Variants in HSPA14 observed in about 807,000 individuals in gnomAD.
HSPA14 encodes the protein heat shock 70 kDa protein 14.
HSPA14 carries 37 observed loss-of-function variants against 65.5 expected under a neutral mutation model. The observed-to-expected ratio is 0.56, with a 90% CI of 0.43 to 0.74. The LOEUF is 0.74. HSPA14 is among the 30% of genes least tolerant of loss of function. The probability of loss-of-function intolerance (pLI) is 0.00; values close to 1 mark genes in which losing one functional copy is unlikely to be tolerated. For missense variants in HSPA14, 564 were observed against 607.6 expected, an observed-to-expected ratio of 0.93 and a Z score of 0.75; for synonymous variants, 203 against 214.2, an observed-to-expected ratio of 0.95 and a Z score of 0.46.
At chr10:14,860,638 CAG>C (rs1198980707) in intron 10 of HSPA14, among the ~76,000 whole-genome samples, 14 of 152,084 alleles carry the variant, frequency 9.2e-5, no homozygotes, top group South Asian at 4.2e-4. Context: ...GGGAGGGTAA[CAG>C]GGGCCGAACT....
rs1436959969 is a variant in HSPA14 at position 14,870,629 on chromosome 10, T to C, written c.1413T>C (p.Asn471=). The stretch of plus-strand genomic sequence containing the variant: ...TCCAGGATTTAGATAAAAAAGAAAA[T>C]GGATTACGTGATATATTAGCTGTTC... ...VVLQDLDKKE[N]GLRDILAVLT... Residue 471 remains asparagine, a synonymous_variant, in exon 13 of 14, where the codon AAT becomes AAC. Transcript: ENST00000378372. 2.5e-6 allele frequency: 4 copies of C among 1,582,734 alleles called. No individual in the cohort carries two copies. The highest frequency in any genetic ancestry group is 3.5e-6 in the Non-Finnish European group (4 of 1,158,246).
chr10:14,846,647 A>G, intron 3 of HSPA14: 1 of 946,652 alleles, frequency 1.1e-6, no homozygotes, highest in Non-Finnish European at 1.3e-6. Flanking sequence ...TGGGAAACTC[A>G]TAATTGTCCT....
At position 14,862,128 on chromosome 10, in the gene HSPA14, G is replaced by A. The variant is rs569954009; in HGVS notation, c.994-4955G>A. On this transcript the variant is annotated intron_variant, in intron 10 of 13. Transcript: ENST00000378372. Reference sequence around the variant, plus strand: ...TGTAAGCTCTGCCTGCCGTGTTCACGCCATTCTCCTGCCTCAGCCTCCCCA... The same window carrying A: ...TGTAAGCTCTGCCTGCCGTGTTCACACCATTCTCCTGCCTCAGCCTCCCCA... Among the ~76,000 whole-genome samples the A allele has an allele frequency of 6.2e-3, 923 of 148,498 alleles. 5 individuals carry two copies. The highest frequency in any genetic ancestry group is 9.3e-3 in the Non-Finnish European group (629 of 67,386).
Position 14,854,571 on chromosome 10 carries a change from G to A in HSPA14, c.890+291G>A, listed in dbSNP as rs138057320. Among the ~76,000 whole-genome samples, 34 of 152,296 alleles carry A rather than the reference G, an allele frequency of 2.2e-4. No homozygotes were observed. In the South Asian group the frequency reaches 2.3e-3, roughly 10 times the overall value. ...AAGTGATAAAGTACAAAGGGAGGAC[G>A]TGCTGTAGTCTTTGTGTTGCATATT... On this transcript the variant is annotated intron_variant, in intron 9 of 13. Coordinates refer to ENST00000378372, the MANE Select transcript of HSPA14 (RefSeq NM_016299.4).
chr10:14,841,113 G>C (rs1280993537), intron 3 of HSPA14: 4 of 152,096 alleles, frequency 2.6e-5, no homozygotes, highest in African/African-American at 7.2e-5. Flanking sequence ...CTTATTTTCT[G>C]TCTCTTACCT....
chr10:14,842,374 T>G lies in HSPA14; in HGVS notation c.221+2217T>G, dbSNP rs1262073470. The G allele has an allele frequency of 6.5e-7, 1 of 1,536,158 alleles. No individual in the cohort carries two copies. Among genetic ancestry groups the G allele is most frequent in the Non-Finnish European group, 8.7e-7 (1 of 1,146,904 alleles). On this transcript the variant is annotated intron_variant, in intron 3 of 13. Coordinates refer to ENST00000378372, the MANE Select transcript of HSPA14 (RefSeq NM_016299.4). This position sits in a 1 kb window ranked among gnomAD's most constrained non-coding sequence, Gnocchi z 5.2. ...CCATACTAGGCGAGGCAGAGTATAT[T>G]CAGCGCCTCCAGACTGTGCATCACA...
At chr10:14,849,684 C>T in intron 5 of HSPA14, 37 bp from the exon 6 acceptor site, 1 of 1,408,518 alleles carries the variant, frequency 7.1e-7, no homozygotes, top group Non-Finnish European at 9.9e-7. Context: ...TTGTCATTTT[C>T]TTCTGTCATC....
intron 3 of HSPA14, chr10:14,843,778 A>G (rs1262404318): frequency 5.9e-6 from 9 of 1,536,340 alleles, no homozygotes; most frequent in Non-Finnish European, 7.8e-6. Flanking sequence ...TGAGCTCCGC[A>G]GGGATGCTGT....
At chr10:14,861,216 A>T (rs1832747609) in intron 10 of HSPA14, among the ~76,000 whole-genome samples, 1 of 152,182 alleles carries the variant, frequency 6.6e-6, no homozygotes. Context: ...TACAAGGGCA[A>T]TAGGAAAATG....
Position 14,855,040 on chromosome 10 carries a change from A to G in HSPA14, c.890+760A>G, listed in dbSNP as rs552607000. ...ATTAGAATCTCTTTTTGGACAGAGT[A>G]TGTGTATTTTTCTAGTTCCAGAATT... On this transcript the variant is annotated intron_variant, in intron 9 of 13. Coordinates refer to ENST00000378372, the MANE Select transcript of HSPA14 (RefSeq NM_016299.4). Among the ~76,000 whole-genome samples the G allele has an allele frequency of 4.6e-5, 7 of 152,306 alleles. No homozygotes were observed. In the South Asian group the frequency reaches 1.4e-3, roughly 32 times the overall value.
At position 14,842,169 on chromosome 10, in the gene HSPA14, A is replaced by G. The variant is rs1304598680; in HGVS notation, c.221+2012A>G. 9.1e-6 allele frequency: 14 copies of G among 1,534,910 alleles called. No homozygotes were observed. Among genetic ancestry groups the G allele is most frequent in the Middle Eastern group, 1.7e-4 (1 of 5,990 alleles). On this transcript the variant is annotated intron_variant, in intron 3 of 13. Coordinates refer to ENST00000378372, the MANE Select transcript of HSPA14 (RefSeq NM_016299.4). This position sits in a 1 kb window ranked among gnomAD's most constrained non-coding sequence, Gnocchi z 5.2. Reference sequence around the variant, plus strand: ...GGTCCTTGGACCTGGCTTCTCAGCAATTATCCCTGAGAGGGAAGATCCTGG... The same window carrying G: ...GGTCCTTGGACCTGGCTTCTCAGCAGTTATCCCTGAGAGGGAAGATCCTGG...
chr10:14,854,136 A>T lies in HSPA14; in HGVS notation c.746A>T (p.His249Leu). Residue 249 changes from histidine to leucine, a missense_variant, in exon 9 of 14, where the codon CAT (histidine) becomes CTT (leucine). Transcript: ENST00000378372. ...LASEFQRSFKHDVRGNARAMM... is the reference protein window; with the variant it reads ...LASEFQRSFKLDVRGNARAMM... ...TGTTTTTAATTTAGATCCTTCAAAC[A>T]TGATGTGAGAGGAAATGCGCGAGCC... 1 of 1,601,002 alleles carries T rather than the reference A, an allele frequency of 6.2e-7. No individual in the cohort carries two copies. The highest frequency in any genetic ancestry group is 1.3e-5 in the African/African-American group (1 of 74,294).
At position 14,842,043 on chromosome 10, in the gene HSPA14, T is replaced by C. The variant is rs1170513503; in HGVS notation, c.221+1886T>C. 7 of 921,600 alleles carry C rather than the reference T, an allele frequency of 7.6e-6. No individual in the cohort carries two copies. The highest frequency in any genetic ancestry group is 4.9e-5 in the African/African-American group (3 of 61,098). The allele number at this position is 921,600 out of a possible 1,614,324, so 57.1% of individuals were successfully genotyped here. A position where few individuals can be genotyped will look rare whatever the true frequency, so the allele number is the denominator to read the frequency against. On this transcript the variant is annotated intron_variant, in intron 3 of 13. Transcript: ENST00000378372. The surrounding 1 kb of genome is among the most constrained non-coding windows in gnomAD (Gnocchi z 5.2). Reference sequence around the variant, plus strand: ...TCTCAGTCTTGGCCTCATGCCTGTTTATGACCTACTCACAGGTAGCACCAC... The same window carrying C: ...TCTCAGTCTTGGCCTCATGCCTGTTCATGACCTACTCACAGGTAGCACCAC...
chr10:14,857,646 A>G (rs1832717726), intron 10 of HSPA14, among the ~76,000 whole-genome samples: 1 of 152,190 alleles, frequency 6.6e-6, no homozygotes, highest in South Asian at 2.1e-4. Context: ...AATATTAGCT[A>G]TCATGCACAG....
intron 3 of HSPA14, chr10:14,844,423 C>T: frequency 1.0e-6 from 1 of 994,488 alleles, no homozygotes; most frequent in Non-Finnish European, 1.2e-6. Context: ...CTTTGCTGGT[C>T]TAACTTGACT....
At chr10:14,854,773 C>T (rs1265693345) in intron 9 of HSPA14, among the ~76,000 whole-genome samples, 1 of 152,168 alleles carries the variant, frequency 6.6e-6, no homozygotes, top group Non-Finnish European at 1.5e-5. Flanking sequence ...CCCGGGCCTT[C>T]ATGAAGACTC....
At chr10:14,851,065 G>A in intron 6 of HSPA14, 154 bp from the exon 7 acceptor site, 3 of 572,562 alleles carry the variant, frequency 5.2e-6, no homozygotes, top group Admixed American at 3.3e-5. Context: ...TTCATTTCTT[G>A]TTTTCTATAT....
intron 3 of HSPA14, among the ~76,000 whole-genome samples, chr10:14,847,251 T>G (rs1834066646): frequency 6.6e-6 from 1 of 152,234 alleles, no homozygotes; most frequent in African/African-American, 2.4e-5. Flanking sequence ...GTAGACAACC[T>G]ACGCACAACA....
intron 9 of HSPA14, among the ~76,000 whole-genome samples, chr10:14,855,489 A>G (rs1370062931): frequency 6.6e-6 from 1 of 152,220 alleles, no homozygotes; most frequent in Non-Finnish European, 1.5e-5. Context: ...GATTAGGGTC[A>G]GTAGGTTTAT....
Sources: gnomAD v4.1 joint callset for allele counts (sites outside exome capture counted in the v4.1 genomes callset) on GRCh38, gnomAD v4.1.1 for gene constraint, Gnocchi (gnomAD v3.1) non-coding constraint, MANE v1.5 for transcripts, NCBI Gene and HGNC (gene_info 2026-07-23, HGNC 2026-07-21) for gene names.